The following ADGRB1 variants were observed in gnomAD, a reference collection of about 807,000 sequenced individuals.
ADGRB1 encodes the protein adhesion G protein-coupled receptor B1.
A neutral mutation model predicts 175.7 loss-of-function variants in ADGRB1; 36 were observed. The ratio of observed to expected loss-of-function variants is 0.20; its 90% CI spans 0.16 to 0.27. ADGRB1 has a LOEUF of 0.27. Among genes scored for constraint, ADGRB1 ranks in the 10% least tolerant of loss-of-function variants. ADGRB1 has a pLI of 1.00. For missense variants in ADGRB1, 1,731 were observed against 2,255.3 expected (o/e 0.77, Z 4.71); for synonymous variants, 1,054 against 979.4 (o/e 1.08, Z -1.42).
intron 17 of ADGRB1, among the ~76,000 whole-genome samples, chr8:142,498,669 A>G (rs771381597): frequency 2.6e-4 from 40 of 152,048 alleles, no homozygotes; most frequent in Non-Finnish European, 5.4e-4. Flanking sequence ...TTCCTGGGCA[A>G]CTGGAGACCA....
chr8:142,454,757 C>T (rs563767020), intron 1 of ADGRB1, among the ~76,000 whole-genome samples: 30 of 152,238 alleles, frequency 2.0e-4, no homozygotes, highest in African/African-American at 6.5e-4. Context: ...CGGCTCCGGA[C>T]GTCTCCACTC....
At chr8:142,499,058 C>T (rs886082200) in intron 17 of ADGRB1, among the ~76,000 whole-genome samples, 3 of 152,222 alleles carry the variant, frequency 2.0e-5, no homozygotes, top group Admixed American at 6.5e-5. Context: ...TGCTATCCAT[C>T]CCCCACCAAC....
chr8:142,535,402 G>A (rs971190548), intron 25 of ADGRB1, among the ~76,000 whole-genome samples: 13 of 152,130 alleles, frequency 8.5e-5, no homozygotes, highest in East Asian at 1.9e-4. Context: ...AGACTTCCCC[G>A]AAGCCCCCAG....
At chr8:142,494,626 C>T (rs1013327776) in intron 17 of ADGRB1, among the ~76,000 whole-genome samples, 4 of 151,918 alleles carry the variant, frequency 2.6e-5, no homozygotes, top group Non-Finnish European at 4.4e-5. Flanking sequence ...GCTCAACACT[C>T]AAGCCCATGA....
chr8:142,540,795 C>T (rs904637383), intron 27 of ADGRB1, among the ~76,000 whole-genome samples: 1 of 151,026 alleles, frequency 6.6e-6, no homozygotes, highest in Non-Finnish European at 1.5e-5. Flanking sequence ...GGGAGGATGA[C>T]GGGTCACTCT....
chr8:142,472,466 C>G (rs1840725307), intron 2 of ADGRB1, among the ~76,000 whole-genome samples: 1 of 152,214 alleles, frequency 6.6e-6, no homozygotes, highest in African/African-American at 2.4e-5. Flanking sequence ...CTCTGCTGCC[C>G]TTCACTGTCC....
chr8:142,529,138 T>C (rs565271624), intron 24 of ADGRB1, among the ~76,000 whole-genome samples: 1 of 152,310 alleles, frequency 6.6e-6, no homozygotes, highest in East Asian at 1.9e-4. Context: ...GCCTGCCTGA[T>C]GGGAAGCCTC....
Position 142,543,415 on chromosome 8 carries a change from C to T in ADGRB1, c.4426C>T (p.Arg1476Trp), listed in dbSNP as rs778880062. The T allele has an allele frequency of 3.0e-5, 48 of 1,613,650 alleles. No homozygotes were observed. Among genetic ancestry groups the T allele is most frequent in the Non-Finnish European group, 3.9e-5 (46 of 1,179,798 alleles). Reference sequence around the variant, plus strand: ...CTTCTCCCTGCAGCGGCGGAAGTCGCGGTATGCAGAACTGGACTTTGAGGT... The same window carrying T: ...CTTCTCCCTGCAGCGGCGGAAGTCGTGGTATGCAGAACTGGACTTTGAGGT... ...SVSSLERRKS[R>W]YAELDFEKIM... is the part of the protein sequence containing the mutation. The change falls in exon 29 of 31, where the codon CGG (arginine) becomes TGG (tryptophan). Residue 1476 changes from arginine (R) to tryptophan (W), a missense_variant. Around this residue, in one of 8 missense-constraint regions of ADGRB1, gnomAD observed 394 missense variants for 410.2 expected, o/e 0.96. Coordinates refer to ENST00000517894, the MANE Select transcript of ADGRB1 (RefSeq NM_001702.3). This position sits in a 1 kb window ranked among gnomAD's most constrained non-coding sequence, Gnocchi z 4.4.
chr8:142,480,960 A>G (rs1462863283), intron 9 of ADGRB1, among the ~76,000 whole-genome samples: 1 of 152,022 alleles, frequency 6.6e-6, no homozygotes, highest in Non-Finnish European at 1.5e-5. Context: ...GAAGGAGGTC[A>G]TGGCTGAACT....
Position 142,483,803 on chromosome 8 carries a change from T to C in ADGRB1, c.2131-174T>C, listed in dbSNP as rs546377087. Among the ~76,000 whole-genome samples the C allele has an allele frequency of 5.3e-5, 8 of 150,686 alleles. No individual in the cohort carries two copies. In the South Asian group the frequency reaches 1.3e-3, roughly 24 times the overall value. On this transcript the variant is annotated intron_variant, in intron 11 of 30. Transcript: ENST00000517894. ...CTGAGCCTCGATCCTGGTTACACAC[T>C]GAACCCTGGCTCTGGTCACAGTGAG...
Position 142,511,041 on chromosome 8 carries a change from T to C in ADGRB1, c.2785T>C (p.Phe929Leu). The C allele has an allele frequency of 2.3e-6, 3 of 1,290,214 alleles. No individual in the cohort carries two copies. Among genetic ancestry groups the C allele is most frequent in the Non-Finnish European group, 2.0e-6 (2 of 1,000,680 alleles). The allele number at this position is 1,290,214 out of a possible 1,614,324, so 79.9% of individuals were successfully genotyped here. A position where few individuals can be genotyped will look rare whatever the true frequency, so the allele number is the denominator to read the frequency against. ...TRCLCDRLST[F>L]AILAQLSADA... ...CTGCCTCTGTGACCGGCTCTCCACC[T>C]TCGCCATCTTAGCCCAGCTCAGCGC... Residue 929 changes from phenylalanine to leucine, a missense_variant, in exon 18 of 31, where the codon TTC becomes CTC. Phe to Leu is a conservative substitution (Grantham distance 22, BLOSUM62 0). This residue lies in a region of ADGRB1 where 77 missense variants were observed against 71.6 expected (regional missense o/e 1.08). Transcript: ENST00000517894. The surrounding 1 kb of genome is among the most constrained non-coding windows in gnomAD (Gnocchi z 4.5).
intron 1 of ADGRB1, among the ~76,000 whole-genome samples, chr8:142,463,349 A>T (rs1840070579): frequency 6.6e-6 from 1 of 152,156 alleles, no homozygotes; most frequent in African/African-American, 2.4e-5. Context: ...CCCTCACCCC[A>T]AAGATCCAGT....
chr8:142,498,345 G>A (rs1002201748), intron 17 of ADGRB1, among the ~76,000 whole-genome samples: 9 of 152,166 alleles, frequency 5.9e-5, no homozygotes, highest in South Asian at 2.1e-4. Flanking sequence ...AGTGTGCCCC[G>A]TGTTAACAGG....
chr8:142,476,344 G>A (rs1840973605), intron 3 of ADGRB1, among the ~76,000 whole-genome samples: 1 of 152,180 alleles, frequency 6.6e-6, no homozygotes, highest in Non-Finnish European at 1.5e-5. Context: ...GGTGAACGCT[G>A]GCCTGTGGGC....
rs543245309 is a variant in ADGRB1 at position 142,542,575 on chromosome 8, C to T, written c.4341C>T (p.Ala1447=). 120 of 1,534,720 alleles carry T rather than the reference C, an allele frequency of 7.8e-5. 2 individuals are homozygous for T. In the South Asian group the frequency reaches 1.4e-3, roughly 17 times the overall value. ...PSLGDPGEPA[A]HPGPSTGPST... ...TGGGGGATCCCGGGGAGCCTGCCGC[C>T]CATCCGGGACCCAGCACGGGGCCCA... The change falls in exon 28 of 31, where the codon GCC becomes GCT. Residue 1447 remains alanine (A), a synonymous_variant. Transcript: ENST00000517894. This position sits in a 1 kb window ranked among gnomAD's most constrained non-coding sequence, Gnocchi z 6.3.
rs1845345399 is a variant in ADGRB1 at position 142,542,602 on chromosome 8, C to G, written c.4368C>G (p.Ser1456Arg). ...AAHPGPSTGP[S>R]TKNENVATLS... The stretch of plus-strand genomic sequence containing the variant: ...ATCCGGGACCCAGCACGGGGCCCAG[C>G]ACCAAGAACGAGAATGTCGCCACCT... Residue 1456 changes from serine to arginine, a missense_variant, in exon 28 of 31, where the codon AGC (serine) becomes AGG (arginine). Physicochemically the swap from Ser to Arg is moderately radical, Grantham distance 110. Transcript: ENST00000517894. The surrounding 1 kb of genome is among the most constrained non-coding windows in gnomAD (Gnocchi z 6.3). The G allele has an allele frequency of 1.3e-6, 2 of 1,549,664 alleles. No individual in the cohort carries two copies. Among genetic ancestry groups the G allele is most frequent in the African/African-American group, 2.8e-5 (2 of 72,400 alleles).
At position 142,533,265 on chromosome 8, in the gene ADGRB1, G is replaced by T. The variant is rs1844731427; in HGVS notation, c.3399-30G>T. On this transcript the variant is annotated intron_variant, in intron 24 of 30. Coordinates refer to ENST00000517894, the MANE Select transcript of ADGRB1 (RefSeq NM_001702.3). ...GGGTGTCCCTGGGGGCAGGGGCGGG[G>T]GCGGCAGCGCTGACACCCTCCATCC... 4 of 1,474,474 alleles carry T rather than the reference G, an allele frequency of 2.7e-6. No individual in the cohort carries two copies. In the South Asian group the frequency reaches 5.2e-5, roughly 19 times the overall value. 91.3% of individuals were successfully genotyped at this position (1,474,474 alleles called of 1,614,324 possible).
intron 17 of ADGRB1, among the ~76,000 whole-genome samples, chr8:142,503,446 G>A (rs1842718119): frequency 6.6e-6 from 1 of 152,106 alleles, no homozygotes; most frequent in East Asian, 1.9e-4. Context: ...CTTTGACCTT[G>A]CCACTGGGTA....
intron 24 of ADGRB1, 27 bp downstream of exon 24, chr8:142,526,654 G>A: frequency 6.3e-7 from 1 of 1,594,960 alleles, no homozygotes; most frequent in African/African-American, 1.3e-5. Context: ...GCGGCTCCTT[G>A]CCCACCCGGA....
Sources: gnomAD v4.1 joint callset for allele counts (sites outside exome capture counted in the v4.1 genomes callset) on GRCh38, gnomAD v4.1.1 for gene constraint, gnomAD v4.1.1 regional missense constraint, Gnocchi (gnomAD v3.1) non-coding constraint, MANE v1.5 for transcripts, NCBI Gene and HGNC (gene_info 2026-07-23, HGNC 2026-07-21) for gene names.